IGSF21: variants seen among roughly 807,000 people sequenced by gnomAD.
IGSF21 encodes the protein immunoglobulin superfamily member 21.
In IGSF21, 28 loss-of-function variants were observed where a neutral mutation model predicts 46.8. That is an observed-to-expected ratio of 0.60 (90% confidence interval 0.44 to 0.82). The LOEUF (loss-of-function observed/expected upper bound fraction) is 0.82. Ranked by LOEUF, IGSF21 falls within the 40% of genes least tolerant of loss-of-function variation. The probability of loss-of-function intolerance (pLI) is 0.00; values close to 1 mark genes in which losing one functional copy is unlikely to be tolerated. For missense variants in IGSF21, 624 were observed against 665.5 expected (o/e 0.94, Z 0.69); for synonymous variants, 284 against 273.6 (o/e 1.04, Z -0.38).
chr1:18,362,011 A>C (rs2086105870), intron 4 of IGSF21, 104 bp from the exon 5 acceptor site: 12 of 692,772 alleles, frequency 1.7e-5, no homozygotes, highest in Admixed American at 7.3e-5. Context: ...GCCCTCCCCC[A>C]CCCCCGGCAC....
Position 18,376,384 on chromosome 1 carries a change from C to T in IGSF21, c.1090C>T (p.His364Tyr), listed in dbSNP as rs1324415465. The T allele has an allele frequency of 1.2e-6, 2 of 1,613,480 alleles. No homozygotes were observed. The highest frequency in any genetic ancestry group is 1.1e-5 in the South Asian group (1 of 91,062). Residue 364 changes from histidine (H) to tyrosine (Y), a missense_variant, in exon 7 of 10, where the codon CAT (histidine) becomes TAT (tyrosine). By Grantham distance (83) the His-to-Tyr change is moderately conservative (BLOSUM62 2). Coordinates refer to ENST00000251296, the MANE Select transcript of IGSF21 (RefSeq NM_032880.5). ...RVGDTVRILVHGFQNEVFPEP... is the reference protein window; with the variant it reads ...RVGDTVRILVYGFQNEVFPEP... ...AGGGGACACAGTGAGGATTCTGGTC[C>T]ATGGGTTTCAGGTCAGCCTCTCTCT...
intron 1 of IGSF21, among the ~76,000 whole-genome samples, chr1:18,184,802 G>A (rs921087313): frequency 1.2e-4 from 19 of 152,308 alleles, no homozygotes; most frequent in African/African-American, 4.3e-4. Flanking sequence ...TGTGTGCCCT[G>A]TCTTTGTACT....
In IGSF21 at chr1:18,225,085, T is replaced by TCACA. The variant is rs529286231; in HGVS notation, c.71-2772_71-2769dup. ...GTATCTCTCTCTCTCTCTCTCTCTC[T>TCACA]CACACACACACACACACACACACAC... On this transcript the variant is annotated intron_variant, in intron 1 of 9. Coordinates refer to ENST00000251296, the MANE Select transcript of IGSF21 (RefSeq NM_032880.5). 8.1e-3 allele frequency among the ~76,000 whole-genome samples: 418 copies of TCACA among 51,556 alleles called. 18 individuals carry two copies. The highest frequency in any genetic ancestry group is 0.024 in the African/African-American group (341 of 14,174). The allele number at this position is 51,556 out of a possible 152,430, so 33.8% of individuals were successfully genotyped here.
rs532317458 is a variant in IGSF21, at chr1:18,241,458, T to G, written c.183+13448T>G. ...TGAGGTTAGGTGAGGTTAAGCAACT[T>G]GCTCAAAGTCCTGCTGCTAGATAGT... On this transcript the variant is annotated intron_variant, in intron 2 of 9. Transcript: ENST00000251296. Among the ~76,000 whole-genome samples, 6 of 152,284 alleles carry G rather than the reference T, an allele frequency of 3.9e-5. No homozygotes were observed. The South Asian group carries it at 6.2e-4, about 16-fold the overall frequency.
chr1:18,307,589 C>T (rs1288254105), intron 3 of IGSF21, among the ~76,000 whole-genome samples: 2 of 152,218 alleles, frequency 1.3e-5, no homozygotes, highest in Non-Finnish European at 2.9e-5. Flanking sequence ...GAAAACTCAG[C>T]AACAGGGCAC....
intron 4 of IGSF21, among the ~76,000 whole-genome samples, chr1:18,340,912 TCTC>T (rs1330578967): frequency 2.6e-5 from 4 of 151,636 alleles, no homozygotes; most frequent in Non-Finnish European, 4.4e-5. Flanking sequence ...TCCTTCTCCT[TCTC>T]CTTCTTTCTT....
intron 1 of IGSF21, among the ~76,000 whole-genome samples, chr1:18,108,565 G>A (rs1203494649): frequency 6.6e-6 from 1 of 151,752 alleles, no homozygotes; most frequent in Non-Finnish European, 1.5e-5. Flanking sequence ...GTCTGGATGG[G>A]TGTTAGAGTG....
intron 2 of IGSF21, among the ~76,000 whole-genome samples, chr1:18,291,082 A>G (rs2085261372): frequency 6.6e-6 from 1 of 152,226 alleles, no homozygotes. Context: ...TAACACTTTC[A>G]TTAGCTGGAG....
chr1:18,145,726 G>A (rs758197904), intron 1 of IGSF21, among the ~76,000 whole-genome samples: 5 of 152,196 alleles, frequency 3.3e-5, no homozygotes, highest in Middle Eastern at 3.2e-3. Context: ...TTCTCAGGGC[G>A]GCAAATGTGG....
chr1:18,320,213 A>G (rs2085587103), intron 3 of IGSF21, among the ~76,000 whole-genome samples: 1 of 152,178 alleles, frequency 6.6e-6, no homozygotes, highest in Non-Finnish European at 1.5e-5. Flanking sequence ...GAGTCCAGGC[A>G]TTTTAATTTT....
chr1:18,329,809 G>A (rs551038079), intron 3 of IGSF21, among the ~76,000 whole-genome samples: 15 of 152,308 alleles, frequency 9.8e-5, no homozygotes, highest in African/African-American at 3.6e-4. Flanking sequence ...GTTGAAGGTG[G>A]ATGGCCCACA....
intron 1 of IGSF21, among the ~76,000 whole-genome samples, chr1:18,126,585 C>T (rs571508747): frequency 9.9e-5 from 15 of 152,196 alleles, no homozygotes; most frequent in South Asian, 2.1e-4. Flanking sequence ...ATCCTGACTG[C>T]GGCAGTGCCC....
intron 3 of IGSF21, among the ~76,000 whole-genome samples, chr1:18,298,625 C>T (rs1248215513): frequency 6.6e-6 from 1 of 152,074 alleles, no homozygotes; most frequent in Non-Finnish European, 1.5e-5. Context: ...GAGGGAGACT[C>T]GGGAGAGCTG....
intron 1 of IGSF21, among the ~76,000 whole-genome samples, chr1:18,195,205 A>C (rs879296325): frequency 4.6e-5 from 7 of 152,236 alleles, no homozygotes; most frequent in Admixed American, 3.3e-4. Flanking sequence ...TTAAGGCCAC[A>C]GAGCTAGAAA....
At chr1:18,113,231 C>T (rs1206500480) in intron 1 of IGSF21, 2 of 152,114 alleles carry the variant, frequency 1.3e-5, no homozygotes, top group African/African-American at 4.8e-5. Flanking sequence ...AGGAGGTGTC[C>T]TTCTTTAGGA....
rs193055059 is a variant in IGSF21, at chr1:18,151,599, G to C, written c.70+43401G>C. ...ACAGTGCATGCCACATATAACAGGC[G>C]GGGGAGAGGAGTGAATAATTCACAC... On this transcript the variant is annotated intron_variant, in intron 1 of 9. Coordinates refer to ENST00000251296, the MANE Select transcript of IGSF21 (RefSeq NM_032880.5). Among the ~76,000 whole-genome samples the C allele has an allele frequency of 5.7e-3, 873 of 152,226 alleles. 14 individuals are homozygous for C. Among genetic ancestry groups the C allele is most frequent in the African/African-American group, 0.02 (827 of 41,522 alleles).
chr1:18,165,890 C>G (rs953337881), intron 1 of IGSF21, among the ~76,000 whole-genome samples: 8 of 152,174 alleles, frequency 5.3e-5, no homozygotes, highest in African/African-American at 1.7e-4. Flanking sequence ...TTCTCTTCTG[C>G]TTTTGCCTCT....
chr1:18,274,652 AG>A (rs1168026467), intron 2 of IGSF21, among the ~76,000 whole-genome samples: 1 of 152,264 alleles, frequency 6.6e-6, no homozygotes, highest in Non-Finnish European at 1.5e-5. Context: ...TTACAGAGAA[AG>A]TTTGCTGTCC....
At chr1:18,197,156 T>C (rs2087017970) in intron 1 of IGSF21, among the ~76,000 whole-genome samples, 1 of 152,200 alleles carries the variant, frequency 6.6e-6, no homozygotes. Context: ...GGTGTCTCGA[T>C]GCGAGGAAGG....
Sources: allele counts gnomAD v4.1 joint callset (sites outside exome capture counted in the v4.1 genomes callset), GRCh38; gene constraint gnomAD v4.1.1; transcripts MANE v1.5; gene names NCBI Gene and HGNC (gene_info 2026-07-23, HGNC 2026-07-21).